The following SLIT3 variants were observed in gnomAD, a reference collection of about 807,000 sequenced individuals.
SLIT3 encodes the protein slit homolog 3 protein.
In SLIT3, 68 loss-of-function variants were observed where a neutral mutation model predicts 184.0. The observed-to-expected ratio is 0.37, with a 90% CI of 0.30 to 0.45. The LOEUF is 0.45. SLIT3 is among the 20% of genes least tolerant of loss of function. The pLI, the probability that SLIT3 is intolerant of heterozygous loss-of-function variation, is 1.00. For missense variants in SLIT3, 1,707 were observed against 2,026.0 expected, an observed-to-expected ratio of 0.84 and a Z score of 3.02; for synonymous variants, 831 against 828.6, an observed-to-expected ratio of 1.00 and a Z score of -0.05.
intron 21 of SLIT3, among the ~76,000 whole-genome samples, chr5:168,723,887 T>A (rs987866085): frequency 2.6e-5 from 4 of 152,222 alleles, no homozygotes; most frequent in African/African-American, 9.6e-5. Flanking sequence ...ATTCCTCTAA[T>A]CAGCTGATGG....
chr5:168,999,601 T>C (rs62378631), intron 4 of SLIT3, among the ~76,000 whole-genome samples: 5,359 of 152,248 alleles, frequency 0.035, 119 homozygotes, highest in Middle Eastern at 0.051. Flanking sequence ...TGGTCCCCAC[T>C]CACATTGGCT....
chr5:168,724,421 C>T lies in SLIT3; in HGVS notation c.2334G>A (p.Thr778=), dbSNP rs771346529. Reference sequence around the variant, plus strand: ...CCCAATACTGGGCTCCTTACATAAGCGTCAGGTGTCGGAGGGCGGACAGCT... The same window carrying T: ...CCCAATACTGGGCTCCTTACATAAGTGTCAGGTGTCGGAGGGCGGACAGCT... ...PRELSALRHL[T]LIDLSNNSIS... Residue 778 remains threonine (T), a synonymous_variant, in exon 21 of 36, where the codon ACG becomes ACA. Coordinates refer to ENST00000519560, the MANE Select transcript of SLIT3 (RefSeq NM_003062.4). 25 of 1,612,242 alleles carry T rather than the reference C, an allele frequency of 1.6e-5. No homozygotes were observed. In the Middle Eastern group the frequency reaches 4.9e-4, roughly 32 times the overall value.
chr5:169,055,849 AAAAAG>A (rs1055753391), intron 4 of SLIT3, among the ~76,000 whole-genome samples: 2 of 151,174 alleles, frequency 1.3e-5, no homozygotes, highest in African/African-American at 4.8e-5. Flanking sequence ...AAAAAAAAGA[AAAAAG>A]AAAAAGAAGG....
intron 32 of SLIT3, among the ~76,000 whole-genome samples, chr5:168,682,382 T>C (rs1292200938): frequency 6.6e-6 from 1 of 152,252 alleles, no homozygotes; most frequent in Non-Finnish European, 1.5e-5. Context: ...GAAACTGGTG[T>C]TTCCTAGACT....
At chr5:169,062,444 T>A (rs775787574) in intron 4 of SLIT3, among the ~76,000 whole-genome samples, 2 of 152,224 alleles carry the variant, frequency 1.3e-5, no homozygotes, top group Admixed American at 6.5e-5. Flanking sequence ...ACTCATCATC[T>A]TTGAGTTCCT....
chr5:168,989,266 AC>A (rs1432859039), intron 4 of SLIT3, among the ~76,000 whole-genome samples: 2 of 152,250 alleles, frequency 1.3e-5, no homozygotes, highest in African/African-American at 4.8e-5. Context: ...CTTATTAGTA[AC>A]AAAAAGTTTA....
intron 16 of SLIT3, among the ~76,000 whole-genome samples, chr5:168,757,601 T>A (rs1404602146): frequency 6.6e-6 from 1 of 151,930 alleles, no homozygotes; most frequent in Non-Finnish European, 1.5e-5. Context: ...GCCCGGCTAA[T>A]TTTTTTTGTA....
At chr5:168,699,981 C>T (rs1762168044) in intron 27 of SLIT3, among the ~76,000 whole-genome samples, 1 of 152,226 alleles carries the variant, frequency 6.6e-6, no homozygotes, top group South Asian at 2.1e-4. Context: ...GGTTTCAAAT[C>T]CCTGTGCCAA....
At chr5:168,969,386 C>T (rs537694701) in intron 4 of SLIT3, among the ~76,000 whole-genome samples, 44 of 152,246 alleles carry the variant, frequency 2.9e-4, no homozygotes, top group Non-Finnish European at 1.0e-4. Flanking sequence ...GCCTACTGCC[C>T]GGGAGTCAGC....
At chr5:168,689,963 T>C (rs12515476) in intron 29 of SLIT3, among the ~76,000 whole-genome samples, 3,398 of 152,302 alleles carry the variant, frequency 0.022, 339 homozygotes, top group Admixed American at 0.17. Flanking sequence ...CTCAAGATTA[T>C]GAAAGCTAGA....
At chr5:169,121,150 T>C (rs1033744630) in intron 4 of SLIT3, among the ~76,000 whole-genome samples, 5 of 152,210 alleles carry the variant, frequency 3.3e-5, no homozygotes, top group Non-Finnish European at 7.3e-5. Context: ...CTCTTCGATA[T>C]GGTCATTCTC....
intron 5 of SLIT3, among the ~76,000 whole-genome samples, chr5:168,860,741 G>C (rs979316336): frequency 3.3e-5 from 5 of 152,136 alleles, no homozygotes; most frequent in Non-Finnish European, 5.9e-5. Flanking sequence ...GGATGACTAG[G>C]AATAGCCCTT....
rs182152784 is a variant in SLIT3 at position 169,137,741 on chromosome 5, A to C, written c.413+55738T>G. Reference sequence around the variant, plus strand: ...ACCCAGAAACCTAGGGTGACCAACTATCCCCATTTGCCAAGGACTGATGGG... The same window carrying C: ...ACCCAGAAACCTAGGGTGACCAACTCTCCCCATTTGCCAAGGACTGATGGG... On this transcript the variant is annotated intron_variant, in intron 4 of 35. Transcript: ENST00000519560. Among the ~76,000 whole-genome samples, 15 of 151,862 alleles carry C rather than the reference A, an allele frequency of 9.9e-5. No individual in the cohort carries two copies. The East Asian group carries it at 2.5e-3, about 26-fold the overall frequency.
intron 6 of SLIT3, among the ~76,000 whole-genome samples, chr5:168,834,686 CAAAAAAAAAAAAAAAAAAAAAAA>C (rs540528948): frequency 5.3e-5 from 2 of 37,426 alleles, no homozygotes; most frequent in Non-Finnish European, 4.8e-5. Context: ...GACTCTGTCT[CAAAAAAAAAAAAAAAAAAAAAAA>C]AAAAAAAAAA....
intron 4 of SLIT3, among the ~76,000 whole-genome samples, chr5:169,146,141 A>G (rs1161659880): frequency 6.6e-6 from 1 of 152,248 alleles, no homozygotes; most frequent in Non-Finnish European, 1.5e-5. Flanking sequence ...TGTATTACGA[A>G]TATCTCTCCA....
chr5:168,783,366 CTG>C (rs1756038809), intron 12 of SLIT3, among the ~76,000 whole-genome samples: 1 of 151,636 alleles, frequency 6.6e-6, no homozygotes, highest in Non-Finnish European at 1.5e-5. Context: ...AGGAGGCTGG[CTG>C]TGTACATACT....
At chr5:169,094,719 A>G (rs1329269273) in intron 4 of SLIT3, among the ~76,000 whole-genome samples, 3 of 152,238 alleles carry the variant, frequency 2.0e-5, no homozygotes, top group Admixed American at 1.3e-4. Flanking sequence ...CTGACACACC[A>G]AGGTGTGAAG....
chr5:169,086,094 G>A (rs893304417), intron 4 of SLIT3, among the ~76,000 whole-genome samples: 3 of 152,142 alleles, frequency 2.0e-5, no homozygotes, highest in South Asian at 4.1e-4. Flanking sequence ...CAGCCCCAAC[G>A]TGTCCTTCAG....
At chr5:168,796,409 C>T (rs58145382) in intron 9 of SLIT3, among the ~76,000 whole-genome samples, 4,236 of 152,224 alleles carry the variant, frequency 0.028, 226 homozygotes, top group African/African-American at 0.097. Context: ...TGGTGGGAAA[C>T]AGGCATGTGG....
Sources: gnomAD v4.1 joint callset for allele counts (sites outside exome capture counted in the v4.1 genomes callset) on GRCh38, gnomAD v4.1.1 for gene constraint, MANE v1.5 for transcripts, NCBI Gene and HGNC (gene_info 2026-07-23, HGNC 2026-07-21) for gene names.